The following FSTL5 variants were observed in gnomAD, a reference collection of about 807,000 sequenced individuals.
The protein encoded by FSTL5 is follistatin like 5.
In FSTL5, 62 loss-of-function variants were observed where a neutral mutation model predicts 89.1. The ratio of observed to expected loss-of-function variants is 0.70; its 90% CI spans 0.57 to 0.86. FSTL5 has a LOEUF of 0.86. Ranked by LOEUF, FSTL5 falls within the 40% of genes least tolerant of loss-of-function variation. The pLI is 0.00. For missense variants in FSTL5, 1,057 were observed against 1,001.6 expected (o/e 1.06, Z -0.75); for synonymous variants, 383 against 346.2 (o/e 1.11, Z -1.18).
Position 162,141,121 on chromosome 4 carries a change from T to C in FSTL5, c.-17+22494A>G, listed in dbSNP as rs1484448846. Among the ~76,000 whole-genome samples, 5 of 100,508 alleles carry C rather than the reference T, an allele frequency of 5.0e-5. 2 individuals are homozygous for C. Among genetic ancestry groups the C allele is most frequent in the African/African-American group, 1.8e-4 (5 of 27,700 alleles). 65.9% of individuals were successfully genotyped at this position (100,508 alleles called of 152,430 possible). ...TCCCTTCTCTCTTTTTTTTTTTTTTTTTTTTTTTTTTTTGAGACGGAGTTT... is the reference window on the plus strand; with the variant it reads ...TCCCTTCTCTCTTTTTTTTTTTTTTCTTTTTTTTTTTTTGAGACGGAGTTT... On this transcript the variant is annotated intron_variant, in intron 1 of 15. Coordinates refer to ENST00000306100, the MANE Select transcript of FSTL5 (RefSeq NM_020116.5).
intron 13 of FSTL5, among the ~76,000 whole-genome samples, chr4:161,468,448 A>G (rs960475503): frequency 6.6e-6 from 1 of 152,112 alleles, no homozygotes; most frequent in African/African-American, 2.4e-5. Context: ...AACCTGAATT[A>G]TAGCAGCAGG....
At chr4:162,152,530 A>T (rs1264129721) in intron 1 of FSTL5, among the ~76,000 whole-genome samples, 1 of 152,090 alleles carries the variant, frequency 6.6e-6, no homozygotes, top group Non-Finnish European at 1.5e-5. Context: ...CCATGATGTC[A>T]CACTATTTGA....
intron 1 of FSTL5, among the ~76,000 whole-genome samples, chr4:162,130,647 A>C (rs1054406906): frequency 6.6e-6 from 1 of 152,208 alleles, no homozygotes; most frequent in Non-Finnish European, 1.5e-5. Flanking sequence ...AATAATGACA[A>C]TAGCAAACAT....
At chr4:161,421,565 AT>A (rs1419664411) in intron 15 of FSTL5, among the ~76,000 whole-genome samples, 1 of 152,138 alleles carries the variant, frequency 6.6e-6, no homozygotes, top group Non-Finnish European at 1.5e-5. Flanking sequence ...GTGATGCTTA[AT>A]TTTATGTGTT....
intron 3 of FSTL5, among the ~76,000 whole-genome samples, chr4:161,978,813 T>C (rs1379449840): frequency 2.0e-5 from 3 of 152,116 alleles, no homozygotes; most frequent in Admixed American, 1.3e-4. Flanking sequence ...AAATTTAAAG[T>C]TAATTATTTT....
At chr4:161,780,584 C>CT (rs1361763015) in intron 4 of FSTL5, among the ~76,000 whole-genome samples, 1 of 152,178 alleles carries the variant, frequency 6.6e-6, no homozygotes, top group Non-Finnish European at 1.5e-5. Flanking sequence ...GTCACTAGGG[C>CT]TGTGCTGACC....
intron 2 of FSTL5, among the ~76,000 whole-genome samples, chr4:162,065,781 T>C (rs1462529476): frequency 2.0e-5 from 3 of 152,066 alleles, no homozygotes; most frequent in Non-Finnish European, 4.4e-5. Flanking sequence ...TGTAGCATTA[T>C]TCACAACAGC....
chr4:161,834,514 C>G (rs201744900), intron 4 of FSTL5, among the ~76,000 whole-genome samples: 10 of 149,212 alleles, frequency 6.7e-5, no homozygotes, highest in African/African-American at 1.5e-4. Flanking sequence ...GTCAAATTGT[C>G]CTTGTTTGCA....
chr4:161,661,801 G>T (rs1736721217), intron 6 of FSTL5, among the ~76,000 whole-genome samples: 2 of 152,080 alleles, frequency 1.3e-5, no homozygotes, highest in Non-Finnish European at 2.9e-5. Flanking sequence ...CTTTGTTTTG[G>T]TAACAATGGA....
chr4:161,811,242 C>T (rs911798199), intron 4 of FSTL5, among the ~76,000 whole-genome samples: 14 of 151,758 alleles, frequency 9.2e-5, no homozygotes, highest in African/African-American at 3.4e-4. Flanking sequence ...AACCAGAGTG[C>T]CAAAGGAGGA....
At chr4:161,387,485 C>A (rs2110865081) in intron 15 of FSTL5, 1 of 152,022 alleles carries the variant, frequency 6.6e-6, no homozygotes. Flanking sequence ...GTTATCATCA[C>A]CTGTGTAATT....
chr4:161,394,417 A>G (rs1275050891), intron 15 of FSTL5, among the ~76,000 whole-genome samples: 1 of 152,116 alleles, frequency 6.6e-6, no homozygotes, highest in Non-Finnish European at 1.5e-5. Flanking sequence ...CTGGGATCAC[A>G]GAGGCGTGCC....
chr4:161,457,664 A>C, intron 14 of FSTL5, among the ~76,000 whole-genome samples: 1 of 152,108 alleles, frequency 6.6e-6, no homozygotes, highest in East Asian at 1.9e-4. Flanking sequence ...GACATGAAAA[A>C]ATTAAACTTT....
chr4:161,982,829 T>C (rs1341493039), intron 3 of FSTL5, among the ~76,000 whole-genome samples: 1 of 152,194 alleles, frequency 6.6e-6, no homozygotes, highest in Admixed American at 6.5e-5. Context: ...GGTCTATGTA[T>C]TATTCTTTCG....
chr4:161,611,226 G>GTA (rs1458618658), intron 7 of FSTL5, among the ~76,000 whole-genome samples: 110 of 92,038 alleles, frequency 1.2e-3, no homozygotes, highest in Admixed American at 1.4e-3. Flanking sequence ...GTGTGTATGT[G>GTA]TATACATATA....
intron 8 of FSTL5, among the ~76,000 whole-genome samples, chr4:161,563,509 A>G (rs1732680490): frequency 6.6e-6 from 1 of 151,920 alleles, no homozygotes. Flanking sequence ...AGTTGGCTCT[A>G]ATTCATGTCA....
In FSTL5 at chr4:161,386,209, C is replaced by G. The variant is rs35820116; in HGVS notation, c.2082G>C (p.Thr694=). 1 of 1,613,912 alleles carries G rather than the reference C, an allele frequency of 6.2e-7. No homozygotes were observed. Among genetic ancestry groups the G allele is most frequent in the African/African-American group, 1.3e-5 (1 of 74,988 alleles). The stretch of plus-strand genomic sequence containing the variant: ...CATCTGGAGAGACATATGGAGTGCC[C>G]GTCACATCACTATTGAACCCAATGA... ...DSVIGFNSDV[T]GTPYVSPDGH... is the part of the protein sequence containing the mutation. Residue 694 remains threonine, a synonymous_variant, in exon 16 of 16, where the codon ACG becomes ACC. Coordinates refer to ENST00000306100, the MANE Select transcript of FSTL5 (RefSeq NM_020116.5).
intron 15 of FSTL5, among the ~76,000 whole-genome samples, chr4:161,398,442 C>T (rs1731075052): frequency 2.0e-5 from 3 of 152,016 alleles, no homozygotes. Flanking sequence ...GTAATTGCTT[C>T]AGTAAATAAT....
Position 162,083,982 on chromosome 4 carries a change from T to G in FSTL5, c.126+27289A>C, listed in dbSNP as rs865806283. The stretch of plus-strand genomic sequence containing the variant: ...ATGCAACAATAAATCATTTTATAAT[T>G]TAGACATTATCTCAATGTGTATTTG... On this transcript the variant is annotated intron_variant, in intron 2 of 15. Coordinates refer to ENST00000306100, the MANE Select transcript of FSTL5 (RefSeq NM_020116.5). Among the ~76,000 whole-genome samples the G allele has an allele frequency of 3.9e-5, 6 of 152,034 alleles. No individual in the cohort carries two copies. In the Middle Eastern group the frequency reaches 0.02, roughly 517 times the overall value.
Sources: allele counts gnomAD v4.1 joint callset (sites outside exome capture counted in the v4.1 genomes callset), GRCh38; gene constraint gnomAD v4.1.1; transcripts MANE v1.5; gene names NCBI Gene and HGNC (gene_info 2026-07-23, HGNC 2026-07-21).